The following SOX6 variants were observed in gnomAD, a reference collection of about 807,000 sequenced individuals.
SOX6 encodes the protein SRY-box transcription factor 6.
SOX6 carries 11 observed loss-of-function variants against 97.8 expected under a neutral mutation model. That is an observed-to-expected ratio of 0.11 (90% CI 0.07 to 0.19). The LOEUF (loss-of-function observed/expected upper bound fraction) is 0.19, where lower values mean the gene tolerates loss of function less well. Among genes scored for constraint, SOX6 ranks in the 10% least tolerant of loss-of-function variants. The pLI, the probability that SOX6 is intolerant of heterozygous loss-of-function variation, is 1.00. For synonymous variants in SOX6, 360 were observed against 371.4 expected (o/e 0.97, Z 0.35); for missense variants, 810 against 1,039.5 (o/e 0.78, Z 3.04).
intron 1 of SOX6, among the ~76,000 whole-genome samples, chr11:16,452,879 T>A (rs1859745055): frequency 6.6e-6 from 1 of 152,132 alleles, no homozygotes; most frequent in Non-Finnish European, 1.5e-5. Flanking sequence ...CAAACCAATA[T>A]TCCCTTTTTA....
intron 1 of SOX6, among the ~76,000 whole-genome samples, chr11:16,467,199 T>G (rs1162901824): frequency 6.6e-6 from 1 of 152,096 alleles, no homozygotes; most frequent in Non-Finnish European, 1.5e-5. Flanking sequence ...GGAGTGTAAA[T>G]TAGTTTAACC....
At chr11:16,341,384 C>G in intron 1 of SOX6, 132 bp from the exon 2 acceptor site, 1 of 1,318,286 alleles carries the variant, frequency 7.6e-7, no homozygotes, top group Non-Finnish European at 1.0e-6. Context: ...CACTCTAAAC[C>G]CCTGAAAAAG....
chr11:16,268,299 T>C lies in SOX6; in HGVS notation c.446-33628A>G, dbSNP rs1251480126. On this transcript the variant is annotated intron_variant, in intron 3 of 15. Coordinates refer to ENST00000683767, the MANE Select transcript of SOX6 (RefSeq NM_001367873.1). The stretch of plus-strand genomic sequence containing the variant: ...ATCATATCATCATGTACCCCATAAA[T>C]ACATACAACTATAATTTGTCAATAC... 4.0e-5 allele frequency among the ~76,000 whole-genome samples: 6 copies of C among 151,140 alleles called. No individual in the cohort carries two copies. The East Asian group carries it at 1.2e-3, about 29-fold the overall frequency.
At chr11:16,421,856 T>C (rs2134611) in intron 1 of SOX6, among the ~76,000 whole-genome samples, 151,629 of 152,350 alleles carry the variant, frequency 1, 75,461 homozygotes, top group Middle Eastern at 1. Flanking sequence ...GTCAGTTTAG[T>C]CATTGCCCAA....
intron 4 of SOX6, among the ~76,000 whole-genome samples, chr11:16,582,691 T>G (rs1218371300): frequency 6.6e-6 from 1 of 152,110 alleles, no homozygotes; most frequent in Non-Finnish European, 1.5e-5. Flanking sequence ...ATGTCAACTT[T>G]GTGCCAATAT....
At chr11:16,484,135 C>T (rs1860392424) in intron 4 of SOX6, 1 of 774,984 alleles carries the variant, frequency 1.3e-6, no homozygotes, top group Non-Finnish European at 2.4e-6. Context: ...TAACTGCAGG[C>T]TTATCCTTTA....
chr11:16,723,607 G>A (rs1490207106), intron 2 of SOX6, among the ~76,000 whole-genome samples: 1 of 151,826 alleles, frequency 6.6e-6, no homozygotes, highest in Admixed American at 6.6e-5. Flanking sequence ...GCCAGGAGTT[G>A]GAGACCAGCC....
intron 1 of SOX6, among the ~76,000 whole-genome samples, chr11:16,420,844 A>G (rs1210255886): frequency 2.0e-5 from 3 of 152,170 alleles, no homozygotes; most frequent in Non-Finnish European, 4.4e-5. Context: ...TATTTATCAA[A>G]GATATCCAAG....
chr11:16,672,151 C>A (rs1847851615), intron 3 of SOX6, among the ~76,000 whole-genome samples: 1 of 152,128 alleles, frequency 6.6e-6, no homozygotes, highest in South Asian at 2.1e-4. Context: ...GAAAAGAGCA[C>A]TAAATATAGA....
chr11:16,107,541 G>A (rs1167599896), intron 7 of SOX6, among the ~76,000 whole-genome samples: 2 of 150,926 alleles, frequency 1.3e-5, no homozygotes, highest in Non-Finnish European at 3.0e-5. Context: ...GACATAGAAG[G>A]ATAAATATTG....
At chr11:16,269,815 T>C (rs1240578821) in intron 3 of SOX6, 3 of 151,298 alleles carry the variant, frequency 2.0e-5, no homozygotes, top group African/African-American at 7.2e-5. Context: ...TTTTCTTTTA[T>C]TATAAAATTT....
chr11:16,096,718 GTAGA>G, intron 8 of SOX6, among the ~76,000 whole-genome samples: 1 of 151,784 alleles, frequency 6.6e-6, no homozygotes, highest in Non-Finnish European at 1.5e-5. Flanking sequence ...ATGCTATTCT[GTAGA>G]TAATTTAAGA....
At chr11:16,542,194 C>CT (rs2133178361) in intron 4 of SOX6, among the ~76,000 whole-genome samples, 1 of 152,224 alleles carries the variant, frequency 6.6e-6, no homozygotes, top group African/African-American at 2.4e-5. Context: ...AACCATCATT[C>CT]TCAGCAAACT....
intron 3 of SOX6, among the ~76,000 whole-genome samples, chr11:16,235,679 T>G (rs974318073): frequency 5.9e-5 from 9 of 152,130 alleles, no homozygotes; most frequent in African/African-American, 2.2e-4. Flanking sequence ...TCTAAATGCC[T>G]TTTCTCTCTC....
intron 4 of SOX6, among the ~76,000 whole-genome samples, chr11:16,494,513 G>T (rs1021453503): frequency 6.6e-5 from 10 of 152,144 alleles, no homozygotes; most frequent in Non-Finnish European, 1.5e-4. Context: ...AGTACCATTT[G>T]TGTTAAGGAA....
chr11:16,357,871 G>T (rs571218137), upstream of SOX6, among the ~76,000 whole-genome samples: 2 of 152,218 alleles, frequency 1.3e-5, no homozygotes, highest in African/African-American at 2.4e-5. Context: ...TGTGCCCATA[G>T]GTCAAGAATA....
intron 1 of SOX6, among the ~76,000 whole-genome samples, chr11:16,353,901 G>A (rs1326968115): frequency 2.0e-5 from 3 of 151,852 alleles, no homozygotes; most frequent in South Asian, 4.1e-4. Context: ...TCCACCTCAC[G>A]ATTTCCCAAA....
intron 12 of SOX6, among the ~76,000 whole-genome samples, chr11:16,024,983 A>G (rs1388762828): frequency 6.6e-6 from 1 of 152,152 alleles, no homozygotes; most frequent in Non-Finnish European, 1.5e-5. Context: ...CCATCAGATG[A>G]TAAATGATAC....
chr11:16,201,879 C>T lies in SOX6; in HGVS notation c.536-14924G>A, dbSNP rs187627465. 1.9e-3 allele frequency among the ~76,000 whole-genome samples: 263 copies of T among 135,448 alleles called. 18 individuals are homozygous for T. Among genetic ancestry groups the T allele is most frequent in the African/African-American group, 6.7e-3 (239 of 35,492 alleles). 88.9% of individuals were successfully genotyped at this position (135,448 alleles called of 152,430 possible). A position where few individuals can be genotyped will look rare whatever the true frequency, so the allele number is the denominator to read the frequency against. ...CGATCTCCTGACCTCGTGATCCGCC[C>T]GCCTCGGCCTCCCAAAGTGCTGGGA... is the stretch of plus-strand genomic sequence containing the variant. On this transcript the variant is annotated intron_variant, in intron 4 of 15. Transcript: ENST00000683767.
Sources: allele counts gnomAD v4.1 joint callset (sites outside exome capture counted in the v4.1 genomes callset), GRCh38; gene constraint gnomAD v4.1.1; transcripts MANE v1.5; gene names NCBI Gene and HGNC (gene_info 2026-07-23, HGNC 2026-07-21).